GTF2H5: variants seen among roughly 807,000 people sequenced by gnomAD.
The protein encoded by GTF2H5 is TFB5 ortholog.
GTF2H5 carries 5 observed loss-of-function variants against 7.1 expected under a neutral mutation model. The observed-to-expected ratio is 0.71, with a 90% confidence interval of 0.37 to 1.49. The LOEUF is 1.49. Among genes scored for constraint, GTF2H5 ranks in the 40% most tolerant of loss-of-function variants. GTF2H5 has a pLI of 0.03. For missense variants in GTF2H5, 80 were observed against 83.0 expected (o/e 0.96, Z 0.14); for synonymous variants, 30 against 31.7 (o/e 0.95, Z 0.18).
At chr6:158,176,492 T>G (rs1785935447) in intron 2 of GTF2H5, among the ~76,000 whole-genome samples, 1 of 152,190 alleles carries the variant, frequency 6.6e-6, no homozygotes, top group Non-Finnish European at 1.5e-5. Context: ...CCCAAAATGC[T>G]GGGATTACAG....
chr6:158,191,703 C>G (rs998365108), intron 2 of GTF2H5, among the ~76,000 whole-genome samples: 4 of 152,132 alleles, frequency 2.6e-5, no homozygotes, highest in African/African-American at 9.7e-5. Flanking sequence ...AGGATGGTCT[C>G]GATCTCCTGA....
chr6:158,176,632 T>C (rs914087643), intron 2 of GTF2H5, among the ~76,000 whole-genome samples: 1 of 152,164 alleles, frequency 6.6e-6, no homozygotes, highest in African/African-American at 2.4e-5. Context: ...ACCAGCTCGG[T>C]CTGGGAGACC....
chr6:158,170,325 C>G (rs1052782659), intron 1 of GTF2H5, 145 bp from the exon 2 acceptor site: 2 of 607,592 alleles, frequency 3.3e-6, no homozygotes, highest in Non-Finnish European at 2.9e-6. Context: ...ATCAGAATGT[C>G]TTTTTTCTTA....
chr6:158,172,920 G>A (rs1217744095), intron 2 of GTF2H5, among the ~76,000 whole-genome samples: 3 of 152,190 alleles, frequency 2.0e-5, no homozygotes, highest in Non-Finnish European at 2.9e-5. Context: ...TGAAGTCTCA[G>A]TGCCCGGTTT....
In GTF2H5 at chr6:158,169,766, A is replaced by ATATAT. The variant is rs1361858640; in HGVS notation, c.-34-703_-34-699dup. Among the ~76,000 whole-genome samples, 446 of 56,904 alleles carry ATATAT rather than the reference A, an allele frequency of 7.8e-3. 12 individuals are homozygous for ATATAT. Among genetic ancestry groups the ATATAT allele is most frequent in the East Asian group, 0.016 (12 of 770 alleles). The allele number at this position is 56,904 out of a possible 152,430, so 37.3% of individuals were successfully genotyped here. ...TATATTATATAATATATTGTATATT[A>ATATAT]TATATAATATATTGTATATTATATA... is the stretch of plus-strand genomic sequence containing the variant. On this transcript the variant is annotated intron_variant, in intron 1 of 2. Transcript: ENST00000607778.
In GTF2H5 at chr6:158,195,829, A is replaced by T. The variant is rs1286456872; in HGVS notation, c.*3672A>T. On this transcript the variant is annotated 3_prime_UTR_variant, in exon 3 of 3. Coordinates refer to ENST00000607778, the MANE Select transcript of GTF2H5 (RefSeq NM_207118.3). ...GATGGGGAAGGGGTATATTTTAAAG[A>T]TGGAGAAATGATGCAGTTTGCAAAT... is the stretch of plus-strand genomic sequence containing the variant. 2.0e-5 allele frequency: 3 copies of T among 152,246 alleles called. No homozygotes were observed. Among genetic ancestry groups the T allele is most frequent in the African/African-American group, 7.2e-5 (3 of 41,452 alleles). The allele number at this position is 152,246 out of a possible 1,614,324, so 9.4% of individuals were successfully genotyped here.
chr6:158,193,806 G>C lies in GTF2H5; in HGVS notation c.*1649G>C, dbSNP rs565861586. Reference sequence around the variant, plus strand: ...TCAGGAGATCGAGACCATCCTGCTCGGTGAAACCCCATCTCTATTAAAAAT... The same window carrying C: ...TCAGGAGATCGAGACCATCCTGCTCCGTGAAACCCCATCTCTATTAAAAAT... On this transcript the variant is annotated 3_prime_UTR_variant, in exon 3 of 3. Transcript: ENST00000607778. 6.6e-6 allele frequency: 1 copy of C among 152,000 alleles called. No individual in the cohort carries two copies. The highest frequency in any genetic ancestry group is 2.4e-5 in the African/African-American group (1 of 41,364). 9.4% of individuals were successfully genotyped at this position (152,000 alleles called of 1,614,324 possible). A position where few individuals can be genotyped will look rare whatever the true frequency, so the allele number is the denominator to read the frequency against.
At chr6:158,170,825 A>G (rs1158880687) in intron 2 of GTF2H5, among the ~76,000 whole-genome samples, 1 of 152,224 alleles carries the variant, frequency 6.6e-6, no homozygotes, top group East Asian at 1.9e-4. Context: ...AGGGCCTGAA[A>G]GAGTTCAGGA....
chr6:158,172,865 A>G (rs1389174799), intron 2 of GTF2H5, among the ~76,000 whole-genome samples: 2 of 152,222 alleles, frequency 1.3e-5, no homozygotes, highest in Non-Finnish European at 2.9e-5. Flanking sequence ...TTGAAAAAAA[A>G]GATGACTGGA....
intron 1 of GTF2H5, among the ~76,000 whole-genome samples, chr6:158,169,738 T>A (rs1583625996): frequency 2.0e-5 from 2 of 98,628 alleles, no homozygotes; most frequent in Non-Finnish European, 3.6e-5. Context: ...ATATTGTATA[T>A]TATATATTAT....
intron 1 of GTF2H5, among the ~76,000 whole-genome samples, chr6:158,168,763 C>A (rs982343501): frequency 6.6e-6 from 1 of 152,244 alleles, no homozygotes. Flanking sequence ...TGGCCAGGAA[C>A]TACGGCTTAA....
intron 2 of GTF2H5, among the ~76,000 whole-genome samples, chr6:158,177,356 A>AT (rs1183855265): frequency 6.6e-6 from 1 of 152,202 alleles, no homozygotes; most frequent in African/African-American, 2.4e-5. Context: ...AAATTAACAC[A>AT]GAGCTATACA....
At chr6:158,177,611 G>A (rs1360186336) in intron 2 of GTF2H5, among the ~76,000 whole-genome samples, 1 of 152,190 alleles carries the variant, frequency 6.6e-6, no homozygotes, top group Non-Finnish European at 1.5e-5. Context: ...TGGGTTAAAT[G>A]TGCAGAACGT....
At chr6:158,173,309 C>CTT (rs1188887172) in intron 2 of GTF2H5, among the ~76,000 whole-genome samples, 1 of 152,122 alleles carries the variant, frequency 6.6e-6, no homozygotes, top group Non-Finnish European at 1.5e-5. Flanking sequence ...AAGGGTAACT[C>CTT]TGTCTTCCCA....
chr6:158,198,174 TGAA>T lies in GTF2H5; in HGVS notation c.*6019_*6021del, dbSNP rs1197930669. On this transcript the variant is annotated 3_prime_UTR_variant, in exon 3 of 3. Coordinates refer to ENST00000607778, the MANE Select transcript of GTF2H5 (RefSeq NM_207118.3). Reference sequence around the variant, plus strand: ...ACAATGCCGTGCAGAAACTAACAGATGAAGGAGGAGAATCCCTAAAAACAGAGC... The same window carrying T: ...ACAATGCCGTGCAGAAACTAACAGATGGAGGAGAATCCCTAAAAACAGAGC... The T allele has an allele frequency of 1.3e-5, 2 of 152,170 alleles. No individual in the cohort carries two copies. Among genetic ancestry groups the T allele is most frequent in the Non-Finnish European group, 2.9e-5 (2 of 68,034 alleles). The allele number at this position is 152,170 out of a possible 1,614,324, so 9.4% of individuals were successfully genotyped here.
chr6:158,189,493 A>G (rs1776984441), intron 2 of GTF2H5, among the ~76,000 whole-genome samples: 1 of 152,072 alleles, frequency 6.6e-6, no homozygotes. Flanking sequence ...ACCTCATCAC[A>G]GCCACTCATT....
intron 2 of GTF2H5, among the ~76,000 whole-genome samples, chr6:158,185,735 C>T (rs1421620692): frequency 6.6e-6 from 1 of 151,998 alleles, no homozygotes; most frequent in East Asian, 1.9e-4. Context: ...AGGCCAGGCT[C>T]AATGGCTCAC....
At chr6:158,176,788 G>A (rs970384979) in intron 2 of GTF2H5, among the ~76,000 whole-genome samples, 1 of 152,134 alleles carries the variant, frequency 6.6e-6, no homozygotes, top group Non-Finnish European at 1.5e-5. Context: ...AGCCAGGGAT[G>A]AGCATTGTTT....
rs543907284 is a variant in GTF2H5, at chr6:158,196,555, C to T, written c.*4398C>T. On this transcript the variant is annotated 3_prime_UTR_variant, in exon 3 of 3. Transcript: ENST00000607778. ...AATCTTTGCAGCAAAATAAACTCAT[C>T]ATTATAACATGTCTGAACAGGATCT... The T allele has an allele frequency of 6.6e-6, 1 of 152,286 alleles. No homozygotes were observed. The highest frequency in any genetic ancestry group is 2.1e-4 in the South Asian group (1 of 4,826). 9.4% of individuals were successfully genotyped at this position (152,286 alleles called of 1,614,324 possible).
Sources: gnomAD v4.1 joint callset for allele counts (sites outside exome capture counted in the v4.1 genomes callset) on GRCh38, gnomAD v4.1.1 for gene constraint, MANE v1.5 for transcripts, NCBI Gene and HGNC (gene_info 2026-07-23, HGNC 2026-07-21) for gene names.